ACMSD: variants seen among roughly 807,000 people sequenced by gnomAD.
The protein encoded by ACMSD is 2-amino-3-carboxymuconate-6-semialdehyde decarboxylase.
In ACMSD, 37 loss-of-function variants were observed where a neutral mutation model predicts 45.9. The observed-to-expected ratio is 0.81, with a 90% CI of 0.62 to 1.06. ACMSD has a LOEUF of 1.06. Among genes scored for constraint, ACMSD ranks in the 50% least tolerant of loss-of-function variants. ACMSD has a pLI of 0.00. For synonymous variants in ACMSD, 138 were observed against 148.8 expected (o/e 0.93, Z 0.53); for missense variants, 434 against 420.9 (o/e 1.03, Z -0.27).
chr2:134,840,194 C>CAAAAAA (rs1300580743), intron 1 of ACMSD, among the ~76,000 whole-genome samples: 5 of 68,740 alleles, frequency 7.3e-5, no homozygotes, highest in African/African-American at 6.0e-5. Flanking sequence ...AAAAAAAAAA[C>CAAAAAA]CACTAATTCC....
rs10617563 is a variant in ACMSD at position 134,849,963 on chromosome 2, A to AACACAC, written c.102+4717_102+4722dup. Among the ~76,000 whole-genome samples the AACACAC allele has an allele frequency of 3.5e-3, 512 of 145,992 alleles. 3 individuals are homozygous for AACACAC. Among genetic ancestry groups the AACACAC allele is most frequent in the African/African-American group, 0.011 (434 of 39,708 alleles). ...ACTGAGTTCATCCCAGGGCCTTGGGAACACACACACACACACACACACACA... is the reference window on the plus strand; with the variant it reads ...ACTGAGTTCATCCCAGGGCCTTGGGAACACACACACACACACACACACACACACACA... On this transcript the variant is annotated intron_variant, in intron 2 of 9. Coordinates refer to ENST00000356140, the MANE Select transcript of ACMSD (RefSeq NM_138326.3).
intron 7 of ACMSD, 31 bp from the exon 8 acceptor site, chr2:134,872,438 C>T: frequency 2.5e-6 from 4 of 1,613,608 alleles, no homozygotes; most frequent in Non-Finnish European, 3.4e-6. Flanking sequence ...ACAATCAACA[C>T]TAGCCCCTCA....
intron 8 of ACMSD, among the ~76,000 whole-genome samples, chr2:134,896,933 T>C (rs1690187033): frequency 6.6e-6 from 1 of 152,128 alleles, no homozygotes; most frequent in African/African-American, 2.4e-5. Context: ...ACTAGTGTTT[T>C]CCAAGGGCTG....
intron 9 of ACMSD, among the ~76,000 whole-genome samples, chr2:134,900,342 T>C (rs1690425637): frequency 6.6e-6 from 1 of 152,188 alleles, no homozygotes; most frequent in Non-Finnish European, 1.5e-5. Flanking sequence ...AGGGTCTCCA[T>C]GCTGTATCCA....
intron 2 of ACMSD, among the ~76,000 whole-genome samples, chr2:134,849,219 C>T (rs563844084): frequency 1.6e-4 from 24 of 151,958 alleles, no homozygotes; most frequent in Admixed American, 1.2e-3. Context: ...AACTTAGTAG[C>T]CAAATCTCCA....
At chr2:134,848,240 A>G (rs1314762043) in intron 2 of ACMSD, among the ~76,000 whole-genome samples, 1 of 152,212 alleles carries the variant, frequency 6.6e-6, no homozygotes, top group African/African-American at 2.4e-5. Flanking sequence ...CAGTAAACAT[A>G]CGTGTGCATG....
intron 1 of ACMSD, among the ~76,000 whole-genome samples, chr2:134,839,017 T>G (rs1686662079): frequency 6.6e-6 from 1 of 152,144 alleles, no homozygotes; most frequent in Non-Finnish European, 1.5e-5. Context: ...ATAAGGCAGA[T>G]TTACCTTTTC....
intron 8 of ACMSD, among the ~76,000 whole-genome samples, chr2:134,876,874 T>C (rs1454568697): frequency 2.6e-5 from 4 of 152,102 alleles, no homozygotes; most frequent in African/African-American, 9.7e-5. Context: ...CTCCACCTCC[T>C]GGGTTCAAGC....
chr2:134,843,787 G>T (rs1346106285), intron 1 of ACMSD, among the ~76,000 whole-genome samples: 1 of 152,208 alleles, frequency 6.6e-6, no homozygotes, highest in Non-Finnish European at 1.5e-5. Flanking sequence ...GAGCCATGCA[G>T]GAAGCGTGGA....
chr2:134,872,823 T>C (rs1041453591), intron 8 of ACMSD, 182 bp downstream of exon 8: 2 of 648,546 alleles, frequency 3.1e-6, no homozygotes, highest in African/African-American at 3.6e-5. Context: ...AGGGTCTCCC[T>C]CCACACAGAG....
At chr2:134,865,814 C>T (rs191709554) in intron 5 of ACMSD, among the ~76,000 whole-genome samples, 3 of 152,216 alleles carry the variant, frequency 2.0e-5, no homozygotes, top group South Asian at 2.1e-4. Context: ...AAAACAACTT[C>T]GTTATTGGTA....
intron 1 of ACMSD, 113 bp downstream of exon 1, chr2:134,838,852 G>A: frequency 5.6e-6 from 4 of 718,854 alleles, no homozygotes; most frequent in Non-Finnish European, 6.9e-6. Flanking sequence ...TGGGGGGCGA[G>A]GGGGTTAAAT....
intron 1 of ACMSD, among the ~76,000 whole-genome samples, chr2:134,841,101 C>T (rs927149445): frequency 6.6e-6 from 1 of 152,248 alleles, no homozygotes; most frequent in Non-Finnish European, 1.5e-5. Context: ...TCATCACCAT[C>T]TACATCATTT....
At chr2:134,901,415 G>A (rs1573742541) in intron 9 of ACMSD, among the ~76,000 whole-genome samples, 2 of 152,096 alleles carry the variant, frequency 1.3e-5, no homozygotes, top group Non-Finnish European at 2.9e-5. Context: ...AGCAGCTGGG[G>A]GATGGCTAGA....
intron 5 of ACMSD, among the ~76,000 whole-genome samples, chr2:134,867,048 C>T (rs960729704): frequency 1.3e-5 from 2 of 152,238 alleles, no homozygotes; most frequent in African/African-American, 4.8e-5. Context: ...CCAGCCCCAG[C>T]CCAGCACTGA....
intron 9 of ACMSD, 86 bp downstream of exon 9, chr2:134,898,525 A>G: frequency 1.2e-6 from 1 of 804,700 alleles, no homozygotes. Context: ...ATATATAAAA[A>G]CAAAGAACAG....
At chr2:134,892,467 AAATAAAT>A (rs1387794987) in intron 8 of ACMSD, among the ~76,000 whole-genome samples, 22 of 33,288 alleles carry the variant, frequency 6.6e-4, no homozygotes, top group African/African-American at 3.5e-3. Flanking sequence ...TGGAAAAAAT[AAATAAAT>A]AAATAAATAA....
chr2:134,894,098 GA>G (rs1689952848), intron 8 of ACMSD, among the ~76,000 whole-genome samples: 2 of 151,798 alleles, frequency 1.3e-5, no homozygotes, highest in South Asian at 4.1e-4. Context: ...CAAGCAAGCA[GA>G]AAAATATATA....
intron 8 of ACMSD, among the ~76,000 whole-genome samples, chr2:134,874,522 G>C (rs1165527864): frequency 6.6e-6 from 1 of 152,172 alleles, no homozygotes; most frequent in Non-Finnish European, 1.5e-5. Flanking sequence ...ATTTGAGCAA[G>C]AGGACAAAAT....
Sources: allele counts gnomAD v4.1 joint callset (sites outside exome capture counted in the v4.1 genomes callset), GRCh38; gene constraint gnomAD v4.1.1; transcripts MANE v1.5; gene names NCBI Gene and HGNC (gene_info 2026-07-23, HGNC 2026-07-21).